SEMA5A: variants seen among roughly 807,000 people sequenced by gnomAD.
SEMA5A encodes the protein semaphorin 5A, also known as semaphorin-5A.
In SEMA5A, 55 loss-of-function variants were observed where a neutral mutation model predicts 135.5. That is an observed-to-expected ratio of 0.41 (90% confidence interval 0.33 to 0.51). The LOEUF (loss-of-function observed/expected upper bound fraction) is 0.51. Ranked by LOEUF, SEMA5A falls within the 20% of genes least tolerant of loss-of-function variation. The pLI is 0.37. For missense variants in SEMA5A, 1,290 were observed against 1,419.9 expected (o/e 0.91, Z 1.47); for synonymous variants, 580 against 546.5 (o/e 1.06, Z -0.85).
At chr5:9,511,940 T>C (rs1434655030) in intron 1 of SEMA5A, 1 of 152,216 alleles carries the variant, frequency 6.6e-6, no homozygotes, top group Non-Finnish European at 1.5e-5. Flanking sequence ...GCAGACAACA[T>C]TATCCTGACA....
At chr5:9,397,397 G>A (rs929582741) in intron 2 of SEMA5A, among the ~76,000 whole-genome samples, 1 of 152,162 alleles carries the variant, frequency 6.6e-6, no homozygotes, top group Non-Finnish European at 1.5e-5. Context: ...CCATCTTCAA[G>A]TGGGGATAAT....
intron 1 of SEMA5A, among the ~76,000 whole-genome samples, chr5:9,501,504 C>T (rs536957125): frequency 6.6e-6 from 1 of 152,196 alleles, no homozygotes; most frequent in Admixed American, 6.5e-5. Flanking sequence ...ATTAAGTGGG[C>T]AAAGGAAAGC....
At chr5:9,434,815 A>G (rs2126665078) in intron 2 of SEMA5A, among the ~76,000 whole-genome samples, 1 of 152,330 alleles carries the variant, frequency 6.6e-6, no homozygotes, top group East Asian at 1.9e-4. Context: ...TGACAAAGGC[A>G]TGTCTCCAAA....
rs367774090 is a variant in SEMA5A, at chr5:9,157,543, G to A, written c.1274-2848C>T. On this transcript the variant is annotated intron_variant, in intron 11 of 22. Coordinates refer to ENST00000382496, the MANE Select transcript of SEMA5A (RefSeq NM_003966.3). ...CAGCTCACCTAGTTCTCGTCCACCC[G>A]CCCCTGTCATCCCTGCCACTCCTGC... 2.5e-4 allele frequency among the ~76,000 whole-genome samples: 38 copies of A among 151,970 alleles called. No homozygotes were observed. In the East Asian group the frequency reaches 6.6e-3, roughly 26 times the overall value.
At chr5:9,147,960 T>C (rs1286342192) in intron 12 of SEMA5A, among the ~76,000 whole-genome samples, 1 of 152,190 alleles carries the variant, frequency 6.6e-6, no homozygotes, top group Non-Finnish European at 1.5e-5. Flanking sequence ...GGGGGCTTCA[T>C]TGAACTCAGA....
In SEMA5A at chr5:9,037,083, T is replaced by G. The variant is rs1263789861; in HGVS notation, c.*5814A>C. 1 of 152,242 alleles carries G rather than the reference T, an allele frequency of 6.6e-6. No individual in the cohort carries two copies. The highest frequency in any genetic ancestry group is 2.4e-5 in the African/African-American group (1 of 41,464). 9.4% of individuals were successfully genotyped at this position (152,242 alleles called of 1,614,324 possible). On this transcript the variant is annotated 3_prime_UTR_variant, in exon 23 of 23. Transcript: ENST00000382496. The stretch of plus-strand genomic sequence containing the variant: ...CATTTCAACTACTGGCCCCAGATTT[T>G]AGAGCAAATATGAAGGGGTGGAATA...
intron 1 of SEMA5A, among the ~76,000 whole-genome samples, chr5:9,485,524 G>T (rs756549340): frequency 6.6e-6 from 1 of 152,176 alleles, no homozygotes; most frequent in Non-Finnish European, 1.5e-5. Flanking sequence ...AATTGGGGGA[G>T]CATGTTCAGA....
At chr5:9,097,848 T>C (rs1056014998) in intron 16 of SEMA5A, among the ~76,000 whole-genome samples, 2 of 152,204 alleles carry the variant, frequency 1.3e-5, no homozygotes, top group African/African-American at 4.8e-5. Context: ...AGCCCAGCCT[T>C]GATGCTACAA....
chr5:9,096,669 T>C (rs1017302511), intron 16 of SEMA5A, among the ~76,000 whole-genome samples: 4 of 151,836 alleles, frequency 2.6e-5, no homozygotes, highest in Admixed American at 6.6e-5. Context: ...AACCTACATG[T>C]TGGGAAAAAT....
intron 13 of SEMA5A, among the ~76,000 whole-genome samples, chr5:9,134,449 A>C (rs550708033): frequency 6.6e-6 from 1 of 152,248 alleles, no homozygotes. Flanking sequence ...TGCCCAGCCA[A>C]CTCTCCATTT....
chr5:9,509,423 CA>C (rs1183580688), intron 1 of SEMA5A, among the ~76,000 whole-genome samples: 6 of 152,096 alleles, frequency 3.9e-5, no homozygotes, highest in African/African-American at 1.4e-4. Context: ...TACAGGCGCA[CA>C]CCACCACGCC....
intron 12 of SEMA5A, among the ~76,000 whole-genome samples, chr5:9,149,950 G>A (rs1742544778): frequency 6.6e-6 from 1 of 152,210 alleles, no homozygotes; most frequent in South Asian, 2.1e-4. Context: ...AAGTCAGTGA[G>A]TGGCTGCTCT....
chr5:9,327,841 C>T (rs1391438718), intron 4 of SEMA5A, among the ~76,000 whole-genome samples: 2 of 151,936 alleles, frequency 1.3e-5, no homozygotes, highest in Non-Finnish European at 2.9e-5. Flanking sequence ...GCGACTTTTG[C>T]CTTTGTGGGT....
chr5:9,273,398 A>C (rs1374606209), intron 5 of SEMA5A, among the ~76,000 whole-genome samples: 1 of 152,176 alleles, frequency 6.6e-6, no homozygotes, highest in Admixed American at 6.5e-5. Context: ...GAATGAAATC[A>C]AGTTGGAAAA....
intron 4 of SEMA5A, among the ~76,000 whole-genome samples, chr5:9,335,567 T>C (rs1170603648): frequency 1.3e-5 from 2 of 152,112 alleles, no homozygotes; most frequent in African/African-American, 2.4e-5. Context: ...TCTTTAGAGA[T>C]GAATGAGGGA....
chr5:9,396,243 C>T (rs1453134149), intron 2 of SEMA5A, among the ~76,000 whole-genome samples: 1 of 117,522 alleles, frequency 8.5e-6, no homozygotes, highest in East Asian at 2.1e-4. Context: ...AATGCGCGTG[C>T]GTGCACACAC....
chr5:9,202,454 G>T (rs1745770840), intron 8 of SEMA5A, among the ~76,000 whole-genome samples: 1 of 152,294 alleles, frequency 6.6e-6, no homozygotes, highest in East Asian at 1.9e-4. Flanking sequence ...GAAGTCACTG[G>T]TATGATTACA....
chr5:9,362,626 C>T (rs555967237), intron 3 of SEMA5A, among the ~76,000 whole-genome samples: 7 of 152,252 alleles, frequency 4.6e-5, no homozygotes, highest in South Asian at 2.1e-4. Flanking sequence ...ATAATTTAAA[C>T]TACTATTTAA....
intron 13 of SEMA5A, among the ~76,000 whole-genome samples, chr5:9,134,867 G>A (rs994727255): frequency 2.0e-5 from 3 of 152,180 alleles, no homozygotes; most frequent in African/African-American, 7.2e-5. Flanking sequence ...AGAATGAAAG[G>A]TGAGCACCCT....
Sources: allele counts gnomAD v4.1 joint callset (sites outside exome capture counted in the v4.1 genomes callset), GRCh38; gene constraint gnomAD v4.1.1; transcripts MANE v1.5; gene names NCBI Gene and HGNC (gene_info 2026-07-23, HGNC 2026-07-21).